Variants in TIAM2 observed in about 807,000 individuals in gnomAD.
TIAM2 encodes the protein rho guanine nucleotide exchange factor TIAM2.
Under a neutral mutation model 152.9 loss-of-function variants are expected in TIAM2, and 80 were observed. The ratio of observed to expected loss-of-function variants is 0.52; its 90% CI spans 0.44 to 0.63. The LOEUF is 0.63. Among genes scored for constraint, TIAM2 ranks in the 30% least tolerant of loss-of-function variants. TIAM2 has a pLI of 0.00. For synonymous variants in TIAM2, 804 were observed against 838.0 expected (o/e 0.96, Z 0.70); for missense variants, 1,965 against 2,120.1 (o/e 0.93, Z 1.44).
At chr6:155,253,389 C>T in intron 24 of TIAM2, 1 of 261,668 alleles carries the variant, frequency 3.8e-6, no homozygotes, top group South Asian at 6.8e-5. Flanking sequence ...TAGAATATAG[C>T]AGAAAATTCC....
chr6:155,082,221 T>C (rs1265590748), intron 1 of TIAM2, among the ~76,000 whole-genome samples: 1 of 152,060 alleles, frequency 6.6e-6, no homozygotes, highest in African/African-American at 2.4e-5. Flanking sequence ...TGCATACGTA[T>C]AGTCTCAGCT....
chr6:155,108,225 G>A (rs1025601755), intron 2 of TIAM2, among the ~76,000 whole-genome samples: 2 of 152,130 alleles, frequency 1.3e-5, no homozygotes, highest in African/African-American at 2.4e-5. Flanking sequence ...CATCTCCATC[G>A]GTGTATTGGG....
intron 3 of TIAM2, among the ~76,000 whole-genome samples, chr6:155,128,877 CA>C (rs556028600): frequency 2.7e-5 from 4 of 150,266 alleles, no homozygotes; most frequent in Admixed American, 6.6e-5. Context: ...AAAAAAAAAG[CA>C]AAAAAAAATC....
chr6:155,162,188 G>A (rs1241963587), intron 7 of TIAM2, among the ~76,000 whole-genome samples: 1 of 151,402 alleles, frequency 6.6e-6, no homozygotes, highest in Non-Finnish European at 1.5e-5. Context: ...AAACTCCTGG[G>A]CTCAAGCAGT....
At chr6:155,181,860 CCTTTTT>C (rs1780910886) in intron 12 of TIAM2, among the ~76,000 whole-genome samples, 1 of 152,180 alleles carries the variant, frequency 6.6e-6, no homozygotes, top group South Asian at 2.1e-4. Flanking sequence ...AGATATTTTT[CCTTTTT>C]AAGACTGAAT....
At chr6:155,183,153 TG>T in intron 13 of TIAM2, 83 bp from the exon 14 acceptor site, 1 of 1,523,500 alleles carries the variant, frequency 6.6e-7, no homozygotes, top group South Asian at 1.3e-5. Flanking sequence ...GTACATGGTT[TG>T]AGTTTGCAGC....
chr6:155,099,293 T>A (rs1218596535), intron 2 of TIAM2, among the ~76,000 whole-genome samples: 3 of 151,874 alleles, frequency 2.0e-5, no homozygotes, highest in Non-Finnish European at 4.4e-5. Flanking sequence ...GATAATTGAC[T>A]GCATTAAAAT....
intron 14 of TIAM2, among the ~76,000 whole-genome samples, chr6:155,200,857 C>T (rs938847021): frequency 6.6e-6 from 1 of 152,016 alleles, no homozygotes; most frequent in African/African-American, 2.4e-5. Context: ...GAGCCAAGAT[C>T]GTGCCACTGC....
At chr6:155,212,527 T>C (rs73795349) in intron 15 of TIAM2, among the ~76,000 whole-genome samples, 2,620 of 152,294 alleles carry the variant, frequency 0.017, 72 homozygotes, top group African/African-American at 0.059. Context: ...ATGGAAGAAA[T>C]AGAAGCAATG....
At chr6:155,053,469 T>TA (rs1288295390) in intron 1 of TIAM2, among the ~76,000 whole-genome samples, 1 of 149,720 alleles carries the variant, frequency 6.7e-6, no homozygotes, top group Non-Finnish European at 1.5e-5. Context: ...CTTGCAGCTT[T>TA]TTTTTTTTTT....
chr6:155,080,615 T>C (rs748423676), intron 1 of TIAM2, among the ~76,000 whole-genome samples: 5 of 151,874 alleles, frequency 3.3e-5, no homozygotes, highest in Non-Finnish European at 5.9e-5. Context: ...AATTTTTGTA[T>C]TTATAGTGGA....
intron 8 of TIAM2, 75 bp downstream of exon 8, chr6:155,164,675 GC>G: frequency 1.3e-6 from 2 of 1,522,904 alleles, no homozygotes; most frequent in Non-Finnish European, 1.8e-6. Flanking sequence ...TCAGCTTGTT[GC>G]CATCGGCACT....
rs1377023928 is a variant in TIAM2 at position 155,174,398 on chromosome 6, C to T, written c.2362-2418C>T. Among the ~76,000 whole-genome samples the T allele has an allele frequency of 6.6e-6, 1 of 150,888 alleles. No homozygotes were observed. Among genetic ancestry groups the T allele is most frequent in the Non-Finnish European group, 1.5e-5 (1 of 67,748 alleles). On this transcript the variant is annotated intron_variant, in intron 9 of 26. Transcript: ENST00000682666. This position sits in a 1 kb window ranked among gnomAD's most constrained non-coding sequence, Gnocchi z 4.2. ...GTCTTTTTTTTTTTTTGAGATGGAGCCTCCCTCTGTCGCCCAGGCTGGAGT... is the reference window on the plus strand; with the variant it reads ...GTCTTTTTTTTTTTTTGAGATGGAGTCTCCCTCTGTCGCCCAGGCTGGAGT...
chr6:155,049,226 T>C (rs906132888), intron 1 of TIAM2, among the ~76,000 whole-genome samples: 2 of 152,022 alleles, frequency 1.3e-5, no homozygotes, highest in East Asian at 3.9e-4. Context: ...TCATGTGACC[T>C]CCAGGAACTC....
intron 1 of TIAM2, among the ~76,000 whole-genome samples, chr6:155,030,442 G>C (rs1040998163): frequency 6.6e-6 from 1 of 152,116 alleles, no homozygotes; most frequent in African/African-American, 2.4e-5. Context: ...GATTAAGGTC[G>C]AGAAGGAGCA....
chr6:155,182,264 C>T lies in TIAM2; in HGVS notation c.2746C>T (p.Leu916Phe). 6.2e-7 allele frequency: 1 copy of T among 1,614,190 alleles called. No homozygotes were observed. The highest frequency in any genetic ancestry group is 8.5e-7 in the Non-Finnish European group (1 of 1,180,024). The change falls in exon 13 of 27, where the codon CTC (leucine) becomes TTC (phenylalanine). Residue 916 changes from leucine (L) to phenylalanine (F), a missense_variant. Physicochemically the swap from Leu to Phe is conservative, Grantham distance 22. This residue lies in a region of TIAM2 where 935 missense variants were observed against 980.0 expected (regional missense o/e 0.95). Coordinates refer to ENST00000682666, the MANE Select transcript of TIAM2 (RefSeq NM_012454.4). Reference protein sequence around the residue: ...VTAQVDERQHLSRIFISDVLP... With the variant: ...VTAQVDERQHFSRIFISDVLP... The stretch of plus-strand genomic sequence containing the variant: ...AGCGCAGGTGGATGAGCGTCAGCAT[C>T]TCAGCCGGATATTTATAAGCGACGT...
chr6:155,183,849 T>A (rs1477090587), intron 14 of TIAM2, among the ~76,000 whole-genome samples: 1 of 152,240 alleles, frequency 6.6e-6, no homozygotes, highest in Non-Finnish European at 1.5e-5. Context: ...ATTTTTCTTA[T>A]TTAGTTGAAT....
At chr6:155,228,155 G>A (rs1782312950) in intron 15 of TIAM2, among the ~76,000 whole-genome samples, 2 of 152,300 alleles carry the variant, frequency 1.3e-5, no homozygotes, top group South Asian at 4.1e-4. Context: ...AAAGCTGGGT[G>A]GACACAGCCT....
At chr6:155,159,096 T>G (rs1046295364) in intron 7 of TIAM2, among the ~76,000 whole-genome samples, 2 of 152,144 alleles carry the variant, frequency 1.3e-5, no homozygotes, top group Admixed American at 1.3e-4. Flanking sequence ...ATCTTTGTCT[T>G]TCTTTTATGT....
Sources: allele counts gnomAD v4.1 joint callset (sites outside exome capture counted in the v4.1 genomes callset), GRCh38; gene constraint gnomAD v4.1.1; regional missense constraint gnomAD v4.1.1; non-coding constraint Gnocchi (gnomAD v3.1); transcripts MANE v1.5; gene names NCBI Gene and HGNC (gene_info 2026-07-23, HGNC 2026-07-21).